DAB1: variants seen among roughly 807,000 people sequenced by gnomAD.
DAB1 encodes disabled homolog 1.
Under a neutral mutation model 64.6 loss-of-function variants are expected in DAB1, and 15 were observed. That is an observed-to-expected ratio of 0.23 (90% CI 0.16 to 0.36). The LOEUF is 0.36. Ranked by LOEUF, DAB1 falls within the 10% of genes least tolerant of loss-of-function variation. The pLI is 1.00. For missense variants in DAB1, 596 were observed against 706.7 expected, an observed-to-expected ratio of 0.84 and a Z score of 1.78; for synonymous variants, 235 against 251.9, an observed-to-expected ratio of 0.93 and a Z score of 0.64.
At chr1:58,540,233 A>T (rs573042056) in intron 1 of DAB1, among the ~76,000 whole-genome samples, 1 of 152,194 alleles carries the variant, frequency 6.6e-6, no homozygotes, top group African/African-American at 2.4e-5. Flanking sequence ...AAATATTAAA[A>T]GCAACCCCCA....
At chr1:57,725,718 C>T (rs979480656) in intron 6 of DAB1, among the ~76,000 whole-genome samples, 5 of 151,954 alleles carry the variant, frequency 3.3e-5, no homozygotes, top group Non-Finnish European at 7.4e-5. Context: ...AGGCTTAATA[C>T]ATCTAGCTGA....
chr1:57,260,063 CAT>C (rs980503706), intron 2 of DAB1, among the ~76,000 whole-genome samples: 14 of 152,290 alleles, frequency 9.2e-5, no homozygotes, highest in Admixed American at 8.5e-4. Context: ...ATCCTAGGCA[CAT>C]AGAGAACTCG....
At chr1:57,734,699 G>T (rs1370930979) in intron 6 of DAB1, among the ~76,000 whole-genome samples, 1 of 152,210 alleles carries the variant, frequency 6.6e-6, no homozygotes, top group Non-Finnish European at 1.5e-5. Flanking sequence ...GAAGTGAGGG[G>T]TCCCCAGGGG....
At chr1:58,382,122 G>A (rs1340394450) in intron 3 of DAB1, among the ~76,000 whole-genome samples, 2 of 152,156 alleles carry the variant, frequency 1.3e-5, no homozygotes, top group Admixed American at 1.3e-4. Flanking sequence ...GTTAAATGGG[G>A]GAGGCAATAC....
At chr1:57,686,180 A>G (rs3131762) in intron 6 of DAB1, among the ~76,000 whole-genome samples, 110,952 of 152,114 alleles carry the variant, frequency 0.73, 41,255 homozygotes, top group East Asian at 0.93. Flanking sequence ...AAAAAGGAAG[A>G]TCCAAATAAG....
At chr1:58,087,678 C>T (rs1305732650) in intron 5 of DAB1, among the ~76,000 whole-genome samples, 1 of 152,078 alleles carries the variant, frequency 6.6e-6, no homozygotes, top group Non-Finnish European at 1.5e-5. Flanking sequence ...AGGAAGTTTG[C>T]TCTCTTAGGA....
chr1:57,306,188 A>G (rs1674146597), intron 1 of DAB1, among the ~76,000 whole-genome samples: 1 of 152,158 alleles, frequency 6.6e-6, no homozygotes, highest in African/African-American at 2.4e-5. Context: ...TGGTAAATCC[A>G]GATCTAGAAC....
chr1:57,668,416 T>C (rs1335956740), intron 6 of DAB1, among the ~76,000 whole-genome samples: 1 of 152,124 alleles, frequency 6.6e-6, no homozygotes, highest in Non-Finnish European at 1.5e-5. Context: ...GTGTCATTGT[T>C]ACTATTATGA....
intron 5 of DAB1, among the ~76,000 whole-genome samples, chr1:57,927,129 C>T (rs1019115943): frequency 1.3e-5 from 2 of 152,174 alleles, no homozygotes; most frequent in Non-Finnish European, 2.9e-5. Flanking sequence ...CACCTTATGA[C>T]CACAAATGAA....
chr1:57,539,689 G>A (rs992299141), intron 7 of DAB1, among the ~76,000 whole-genome samples: 1 of 152,092 alleles, frequency 6.6e-6, no homozygotes, highest in Non-Finnish European at 1.5e-5. Flanking sequence ...GAATGAGTGG[G>A]TAATTGAAAA....
chr1:57,763,696 T>C (rs952328516), intron 6 of DAB1, among the ~76,000 whole-genome samples: 12 of 152,046 alleles, frequency 7.9e-5, no homozygotes, highest in African/African-American at 2.9e-4. Context: ...AAGTAATTAA[T>C]TGCAGGCCAC....
chr1:57,279,019 A>T (rs1178650554), intron 2 of DAB1, among the ~76,000 whole-genome samples: 2 of 152,192 alleles, frequency 1.3e-5, no homozygotes, highest in African/African-American at 4.8e-5. Context: ...TTATTATTTC[A>T]GGTTTGGGGA....
intron 2 of DAB1, among the ~76,000 whole-genome samples, chr1:57,285,604 C>T (rs926431225): frequency 6.6e-6 from 1 of 152,092 alleles, no homozygotes; most frequent in Non-Finnish European, 1.5e-5. Context: ...TGGAAATATT[C>T]ACACACACAT....
chr1:57,367,366 C>A (rs1484599294), intron 1 of DAB1, among the ~76,000 whole-genome samples: 3 of 152,068 alleles, frequency 2.0e-5, no homozygotes, highest in East Asian at 1.9e-4. Flanking sequence ...GAGCTAGGTG[C>A]CTTTTTTGTC....
intron 7 of DAB1, among the ~76,000 whole-genome samples, chr1:57,438,998 G>A (rs1685804517): frequency 6.6e-6 from 1 of 152,164 alleles, no homozygotes; most frequent in Non-Finnish European, 1.5e-5. Context: ...TGGAGCATGT[G>A]ACCCAAGCTA....
chr1:57,998,162 G>T (rs758740385), intron 5 of DAB1, among the ~76,000 whole-genome samples: 6 of 152,116 alleles, frequency 3.9e-5, no homozygotes, highest in Non-Finnish European at 7.3e-5. Context: ...ATAAACACAC[G>T]TAGGTATAGG....
chr1:58,228,758 A>G, intron 4 of DAB1: 1 of 912,292 alleles, frequency 1.1e-6, no homozygotes. Flanking sequence ...CGTTGATGGC[A>G]TAGGTGGTTA....
chr1:58,330,119 A>G (rs899677734), intron 4 of DAB1, among the ~76,000 whole-genome samples: 1 of 152,236 alleles, frequency 6.6e-6, no homozygotes, highest in Admixed American at 6.5e-5. Flanking sequence ...AAGTTCTTCA[A>G]GGAAATTAGA....
chr1:57,426,874 A>ATATTTTTT (rs57970737), upstream of DAB1, among the ~76,000 whole-genome samples: 540 of 149,272 alleles, frequency 3.6e-3, 4 homozygotes, highest in African/African-American at 0.012. Context: ...ATATATATAT[A>ATATTTTTT]TTTTTTTGAG....
Sources: allele counts gnomAD v4.1 joint callset (sites outside exome capture counted in the v4.1 genomes callset), GRCh38; gene constraint gnomAD v4.1.1; transcripts MANE v1.5; gene names NCBI Gene and HGNC (gene_info 2026-07-23, HGNC 2026-07-21).